Variants in NTM observed in about 807,000 individuals in gnomAD.
The protein encoded by NTM is IgLON family member 2.
In NTM, 13 loss-of-function variants were observed where a neutral mutation model predicts 42.1. That is an observed-to-expected ratio of 0.31 (90% CI 0.20 to 0.49). The LOEUF (loss-of-function observed/expected upper bound fraction) is 0.49. Ranked by LOEUF, NTM falls within the 20% of genes least tolerant of loss-of-function variation. The pLI is 0.99. For synonymous variants in NTM, 187 were observed against 179.2 expected (o/e 1.04, Z -0.35); for missense variants, 373 against 452.8 (o/e 0.82, Z 1.60).
At chr11:131,739,384 C>A (rs1170107439) in intron 1 of NTM, among the ~76,000 whole-genome samples, 3 of 152,080 alleles carry the variant, frequency 2.0e-5, no homozygotes, top group African/African-American at 7.2e-5. Flanking sequence ...TTTTCCTCAT[C>A]TGAAAAGTGA....
At chr11:131,730,564 T>A (rs949127742) in intron 1 of NTM, among the ~76,000 whole-genome samples, 4 of 151,626 alleles carry the variant, frequency 2.6e-5, no homozygotes, top group African/African-American at 9.7e-5. Context: ...AGAAAAAAAA[T>A]TTAAATCAGC....
intron 1 of NTM, chr11:131,767,069 G>C: frequency 1.4e-6 from 1 of 698,762 alleles, no homozygotes; most frequent in Non-Finnish European, 1.8e-6. Flanking sequence ...ATCTCTCTGT[G>C]TGTGTCTGCT....
intron 1 of NTM, among the ~76,000 whole-genome samples, chr11:131,442,577 T>C (rs1949708423): frequency 6.6e-6 from 1 of 151,962 alleles, no homozygotes; most frequent in African/African-American, 2.4e-5. Flanking sequence ...TTTCCCATCT[T>C]CCCCCCTTTT....
chr11:132,257,973 C>A (rs990236109), intron 4 of NTM, among the ~76,000 whole-genome samples: 4 of 152,220 alleles, frequency 2.6e-5, no homozygotes, highest in African/African-American at 9.6e-5. Flanking sequence ...TGTGTAGCTG[C>A]AGAGCCTTCC....
intron 2 of NTM, among the ~76,000 whole-genome samples, chr11:132,060,680 G>T (rs118073550): frequency 0.011 from 1,710 of 152,296 alleles, 20 homozygotes; most frequent in Non-Finnish European, 0.017. Flanking sequence ...ATACTACCTG[G>T]AGTTTCTTTA....
intron 3 of NTM, among the ~76,000 whole-genome samples, chr11:132,176,691 T>C (rs1300206502): frequency 2.0e-5 from 3 of 150,760 alleles, no homozygotes; most frequent in Non-Finnish European, 4.4e-5. Flanking sequence ...TTTTAGCCTC[T>C]GTGAATCCTA....
intron 2 of NTM, among the ~76,000 whole-genome samples, chr11:132,089,541 T>C (rs535838597): frequency 4.9e-4 from 75 of 152,358 alleles, no homozygotes; most frequent in African/African-American, 1.7e-3. Flanking sequence ...CTGTTAATCA[T>C]CAGTCTCTTC....
chr11:131,477,560 C>T (rs1263763262), intron 1 of NTM, among the ~76,000 whole-genome samples: 1 of 151,798 alleles, frequency 6.6e-6, no homozygotes, highest in Non-Finnish European at 1.5e-5. Context: ...CCTCTGCTTC[C>T]TATATCAGCT....
intron 1 of NTM, among the ~76,000 whole-genome samples, chr11:131,907,362 T>C (rs2054014400): frequency 6.6e-6 from 1 of 152,212 alleles, no homozygotes; most frequent in Non-Finnish European, 1.5e-5. Flanking sequence ...GAAGTCTCCA[T>C]CTACTGCTTC....
At chr11:131,543,104 A>T (rs898691600) in intron 1 of NTM, among the ~76,000 whole-genome samples, 1 of 152,156 alleles carries the variant, frequency 6.6e-6, no homozygotes, top group African/African-American at 2.4e-5. Flanking sequence ...CGTATCTCCT[A>T]CCTTAAGTCT....
intron 1 of NTM, among the ~76,000 whole-genome samples, chr11:131,866,171 C>G (rs1480760445): frequency 2.6e-5 from 4 of 152,044 alleles, no homozygotes; most frequent in African/African-American, 9.7e-5. Context: ...ACACACAGCA[C>G]ACACACCACA....
At chr11:131,936,476 C>T (rs1181951482) in intron 2 of NTM, among the ~76,000 whole-genome samples, 1 of 152,056 alleles carries the variant, frequency 6.6e-6, no homozygotes, top group Admixed American at 6.6e-5. Flanking sequence ...GTATAATGGA[C>T]ATTGGAGACT....
intron 1 of NTM, among the ~76,000 whole-genome samples, chr11:131,725,251 G>T (rs1047011488): frequency 6.6e-6 from 1 of 152,118 alleles, no homozygotes; most frequent in African/African-American, 2.4e-5. Context: ...CATGTGTGAA[G>T]TACTATATTA....
intron 1 of NTM, among the ~76,000 whole-genome samples, chr11:131,754,299 A>AG (rs2135732902): frequency 6.6e-6 from 1 of 151,984 alleles, no homozygotes; most frequent in African/African-American, 2.4e-5. Context: ...AAAAAAGAAA[A>AG]AAGAAAAGTT....
intron 7 of NTM, among the ~76,000 whole-genome samples, chr11:132,325,789 T>A (rs1233112191): frequency 1.3e-5 from 2 of 152,138 alleles, no homozygotes; most frequent in African/African-American, 4.8e-5. Context: ...AACAATAGAC[T>A]GGATTAAGAA....
chr11:131,910,509 G>A (rs371820321), intron 1 of NTM, among the ~76,000 whole-genome samples: 2 of 151,500 alleles, frequency 1.3e-5, no homozygotes, highest in Non-Finnish European at 2.9e-5. Flanking sequence ...AGCGCAGTCC[G>A]CGCCGCCAGC....
At chr11:131,651,652 G>A (rs191297651) in intron 1 of NTM, among the ~76,000 whole-genome samples, 3 of 152,034 alleles carry the variant, frequency 2.0e-5, no homozygotes, top group South Asian at 2.1e-4. Flanking sequence ...CCATCCTGGC[G>A]AACATGGTGA....
At chr11:131,384,988 A>G (rs1365051616) in intron 1 of NTM, among the ~76,000 whole-genome samples, 2 of 152,226 alleles carry the variant, frequency 1.3e-5, no homozygotes, top group Non-Finnish European at 2.9e-5. Context: ...CTAAGGCGGC[A>G]GCATCTGTGT....
At chr11:131,732,083 T>C (rs1253848895) in intron 1 of NTM, among the ~76,000 whole-genome samples, 1 of 152,190 alleles carries the variant, frequency 6.6e-6, no homozygotes, top group African/African-American at 2.4e-5. Flanking sequence ...CACGTATTCA[T>C]CTATAAACTG....
Sources: allele counts gnomAD v4.1 joint callset (sites outside exome capture counted in the v4.1 genomes callset), GRCh38; gene constraint gnomAD v4.1.1; transcripts MANE v1.5; gene names NCBI Gene and HGNC (gene_info 2026-07-23, HGNC 2026-07-21).